Variants in LARP4B observed in about 807,000 individuals in gnomAD.
LARP4B encodes la-related protein 4B.
In LARP4B, 12 loss-of-function variants were observed where a neutral mutation model predicts 89.8. That is an observed-to-expected ratio of 0.13 (90% CI 0.09 to 0.22). The LOEUF is 0.22. Ranked by LOEUF, LARP4B falls within the 10% of genes least tolerant of loss-of-function variation. LARP4B has a pLI of 1.00. For missense variants in LARP4B, 757 were observed against 947.7 expected, an observed-to-expected ratio of 0.80 and a Z score of 2.64; for synonymous variants, 367 against 363.3, an observed-to-expected ratio of 1.01 and a Z score of -0.12.
chr10:823,435 C>T (rs1417623934), intron 13 of LARP4B, among the ~76,000 whole-genome samples: 2 of 152,134 alleles, frequency 1.3e-5, no homozygotes, highest in South Asian at 2.1e-4. Flanking sequence ...CTGGGTAGAC[C>T]ACATTCGTCA....
chr10:935,151 T>C (rs1589004481), upstream of LARP4B, among the ~76,000 whole-genome samples: 1 of 152,152 alleles, frequency 6.6e-6, no homozygotes, highest in East Asian at 1.9e-4. Context: ...TTTGAAGGTA[T>C]TGAGGGAGTT....
At chr10:879,757 T>C (rs1835597040) in intron 3 of LARP4B, among the ~76,000 whole-genome samples, 1 of 150,734 alleles carries the variant, frequency 6.6e-6, no homozygotes, top group Non-Finnish European at 1.5e-5. Flanking sequence ...TGTGAGCCAC[T>C]ACATCCGGCC....
chr10:866,716 T>A (rs1393750269), intron 3 of LARP4B, among the ~76,000 whole-genome samples: 1 of 152,246 alleles, frequency 6.6e-6, no homozygotes, highest in Non-Finnish European at 1.5e-5. Context: ...CCTCAGCTCA[T>A]GCACATACTA....
chr10:984,106 ACAT>A, the LARP4B span, among the ~76,000 whole-genome samples: 1 of 152,218 alleles, frequency 6.6e-6, no homozygotes, highest in Non-Finnish European at 1.5e-5. Flanking sequence ...CAATGACGTC[ACAT>A]CATCAAAGTG....
At chr10:850,177 A>G (rs1241373753) in intron 5 of LARP4B, among the ~76,000 whole-genome samples, 1 of 152,248 alleles carries the variant, frequency 6.6e-6, no homozygotes, top group Non-Finnish European at 1.5e-5. Context: ...ATTCTAAAAC[A>G]AATAGCAAGA....
At chr10:858,916 C>G (rs1174370798) in intron 5 of LARP4B, among the ~76,000 whole-genome samples, 3 of 152,172 alleles carry the variant, frequency 2.0e-5, no homozygotes, top group Non-Finnish European at 4.4e-5. Flanking sequence ...CTTTGGCAGG[C>G]CGAGGCAGAC....
rs543563798 is a variant in LARP4B, at chr10:902,959, C to G, written c.-39-17199G>C. Among the ~76,000 whole-genome samples, 6 of 152,290 alleles carry G rather than the reference C, an allele frequency of 3.9e-5. 1 individual carries two copies. The South Asian group carries it at 1.2e-3, about 32-fold the overall frequency. ...TGCCTGGCATAAAATCTTTTTAATA[C>G]AGATGTTAAATTACCTGGTTGAAAA... On this transcript the variant is annotated intron_variant, in intron 1 of 17. Transcript: ENST00000316157.
In LARP4B at chr10:853,904, C is replaced by G. The variant is rs114600882; in HGVS notation, c.431-8849G>C. ...GCTTTCACCAAAGATTTCTCTGCAG[C>G]GTGTGATGCTGTTTGATATCATTTT... On this transcript the variant is annotated intron_variant, in intron 5 of 17. Transcript: ENST00000316157. Among the ~76,000 whole-genome samples, 710 of 152,264 alleles carry G rather than the reference C, an allele frequency of 4.7e-3. 7 individuals carry two copies. Among genetic ancestry groups the G allele is most frequent in the African/African-American group, 0.016 (673 of 41,556 alleles).
intron 2 of LARP4B, 101 bp downstream of exon 2, chr10:885,540 T>C (rs1835829460): frequency 5.4e-6 from 4 of 734,800 alleles, no homozygotes; most frequent in Non-Finnish European, 6.7e-6. Context: ...GATCCTAAGA[T>C]GTGCCAGTGT....
intron 7 of LARP4B, among the ~76,000 whole-genome samples, chr10:839,592 C>A (rs1296041658): frequency 3.3e-5 from 5 of 152,184 alleles, no homozygotes; most frequent in African/African-American, 7.2e-5. Context: ...AAAGCCTCAA[C>A]AAGATATCAC....
chr10:972,906 C>T, the LARP4B span: 4 of 455,106 alleles, frequency 8.8e-6, no homozygotes, highest in Admixed American at 7.1e-5. Context: ...CGCTGCTGAG[C>T]CACATCGAGT....
chr10:830,027 G>A (rs943497955), intron 9 of LARP4B, among the ~76,000 whole-genome samples: 3 of 152,084 alleles, frequency 2.0e-5, no homozygotes, highest in African/African-American at 4.8e-5. Context: ...TTGACCTGGT[G>A]GAAAATGATG....
intron 1 of LARP4B, among the ~76,000 whole-genome samples, chr10:919,411 C>T (rs900651514): frequency 6.6e-6 from 1 of 152,044 alleles, no homozygotes; most frequent in Non-Finnish European, 1.5e-5. Context: ...ATTTTCTGTT[C>T]TTCCTGTATT....
At chr10:939,508 C>G in the LARP4B span, among the ~76,000 whole-genome samples, 2 of 152,222 alleles carry the variant, frequency 1.3e-5, no homozygotes, top group African/African-American at 4.8e-5. Context: ...GAAACTAACA[C>G]CACTCTGGCC....
the LARP4B span, among the ~76,000 whole-genome samples, chr10:974,702 G>A: frequency 0.046 from 7,001 of 152,250 alleles, 535 homozygotes; most frequent in African/African-American, 0.16. Flanking sequence ...GACTGTAATC[G>A]GTTCTGTGTT....
At chr10:921,273 CA>C (rs533813082) in intron 1 of LARP4B, among the ~76,000 whole-genome samples, 63 of 138,470 alleles carry the variant, frequency 4.5e-4, no homozygotes, top group Non-Finnish European at 3.3e-4. Context: ...AACTCCATCT[CA>C]AAAAAAAAAA....
chr10:862,232 T>C (rs140660103), intron 5 of LARP4B, among the ~76,000 whole-genome samples: 6 of 108,702 alleles, frequency 5.5e-5, no homozygotes, highest in African/African-American at 1.9e-4. Context: ...AACAATTATT[T>C]AAAGCAATAA....
At chr10:887,282 T>C (rs1416188366) in intron 1 of LARP4B, among the ~76,000 whole-genome samples, 2 of 152,170 alleles carry the variant, frequency 1.3e-5, no homozygotes, top group South Asian at 2.1e-4. Flanking sequence ...GAGTATATTT[T>C]AGGTGCTCTT....
the LARP4B span, among the ~76,000 whole-genome samples, chr10:983,867 C>T: frequency 3.1e-3 from 473 of 152,256 alleles, 3 homozygotes; most frequent in African/African-American, 0.01. Flanking sequence ...CAGACACATA[C>T]ATTCTGATAG....
Sources: gnomAD v4.1 joint callset for allele counts (sites outside exome capture counted in the v4.1 genomes callset) on GRCh38, gnomAD v4.1.1 for gene constraint, MANE v1.5 for transcripts, NCBI Gene and HGNC (gene_info 2026-07-23, HGNC 2026-07-21) for gene names.